Variants in CA5A observed in about 807,000 individuals in gnomAD.
CA5A encodes carbonic anhydrase 5A, mitochondrial.
Under a neutral mutation model 37.1 loss-of-function variants are expected in CA5A, and 28 were observed. The ratio of observed to expected loss-of-function variants is 0.75; its 90% CI spans 0.56 to 1.03. CA5A has a LOEUF of 1.03. Ranked by LOEUF, CA5A falls within the 50% of genes least tolerant of loss-of-function variation. The probability of loss-of-function intolerance (pLI) is 0.00; values close to 1 mark genes in which losing one functional copy is unlikely to be tolerated. For missense variants in CA5A, 444 were observed against 399.9 expected (o/e 1.11, Z -0.94); for synonymous variants, 171 against 158.4 (o/e 1.08, Z -0.60).
At chr16:87,893,055 GC>G in intron 5 of CA5A, 1 of 1,169,848 alleles carries the variant, frequency 8.5e-7, no homozygotes, top group Non-Finnish European at 1.2e-6. Flanking sequence ...TGTCACGAAG[GC>G]CATGCAGTCT....
intron 5 of CA5A, among the ~76,000 whole-genome samples, chr16:87,898,235 C>T (rs2055830281): frequency 6.6e-6 from 1 of 152,190 alleles, no homozygotes; most frequent in Admixed American, 6.5e-5. Context: ...CAACTTGTTC[C>T]TTAACTGGAG....
chr16:87,932,941 T>C (rs1241866717), intron 1 of CA5A, among the ~76,000 whole-genome samples: 28 of 152,182 alleles, frequency 1.8e-4, no homozygotes. Context: ...GAGCAGTAGC[T>C]TGGAATACAT....
At chr16:87,904,168 C>G (rs1312688370) in intron 3 of CA5A, among the ~76,000 whole-genome samples, 1 of 151,966 alleles carries the variant, frequency 6.6e-6, no homozygotes, top group Non-Finnish European at 1.5e-5. Context: ...ATGGCGAAAC[C>G]CCATCTCTAC....
chr16:87,896,984 C>T (rs1415649086), intron 5 of CA5A, among the ~76,000 whole-genome samples: 2 of 152,204 alleles, frequency 1.3e-5, no homozygotes, highest in East Asian at 1.9e-4. Context: ...ATTTTATGAG[C>T]GTCAAGCCCC....
chr16:87,887,899 C>A (rs1195204973), downstream of CA5A: 2 of 508,270 alleles, frequency 3.9e-6, no homozygotes, highest in Non-Finnish European at 6.7e-6. Context: ...AAACTAAGCA[C>A]CCTGCACTTG....
chr16:87,917,689 G>A (rs2056169150), intron 2 of CA5A, among the ~76,000 whole-genome samples: 1 of 143,536 alleles, frequency 7.0e-6, no homozygotes, highest in Admixed American at 6.9e-5. Context: ...AGTGCACAAT[G>A]CACACCCGCA....
intron 2 of CA5A, among the ~76,000 whole-genome samples, chr16:87,910,633 G>C (rs558706383): frequency 1.1e-4 from 16 of 151,992 alleles, no homozygotes; most frequent in African/African-American, 3.4e-4. Flanking sequence ...GCTGGAGCGC[G>C]GTGGGGTGCT....
downstream of CA5A, chr16:87,886,890 A>G (rs1396996574): frequency 6.6e-6 from 1 of 152,002 alleles, no homozygotes; most frequent in Non-Finnish European, 1.5e-5. Context: ...TAATTAATAT[A>G]GCTTTTTATT....
intron 2 of CA5A, among the ~76,000 whole-genome samples, chr16:87,907,511 T>C (rs1163973158): frequency 1.3e-5 from 2 of 152,200 alleles, no homozygotes; most frequent in African/African-American, 2.4e-5. Context: ...TCTTCTAGAA[T>C]AGAAATGCCT....
chr16:87,891,944 G>A lies in CA5A; in HGVS notation c.629C>T (p.Ala210Val), dbSNP rs377314096. ...GGAGGGGTCGAAGGGGCGCATGGCC[G>A]CCCGCGCGTCCTGAGAGACCGAGAA... ...LPEIKHKDAR[A>V]AMRPFDPSTL... is the part of the protein sequence containing the mutation. Residue 210 changes from alanine to valine, a missense_variant, in exon 6 of 7, where the codon GCG (alanine) becomes GTG (valine). Transcript: ENST00000649794. 2.5e-5 allele frequency: 38 copies of A among 1,541,442 alleles called. No homozygotes were observed. The highest frequency in any genetic ancestry group is 2.4e-4 in the African/African-American group (17 of 72,044).
Position 87,888,025 on chromosome 16 carries a change from C to A in CA5A, c.*104G>T. On this transcript the variant is annotated 3_prime_UTR_variant, in exon 7 of 7. Coordinates refer to ENST00000649794, the MANE Select transcript of CA5A (RefSeq NM_001739.2). ...TCGACTAAAACAATAACCTCATGCT[C>A]TCTTTTTAATTTCAGAAGTCATGTA... 4.1e-6 allele frequency: 6 copies of A among 1,476,846 alleles called. No homozygotes were observed. The highest frequency in any genetic ancestry group is 5.4e-6 in the Non-Finnish European group (6 of 1,104,264). The allele number at this position is 1,476,846 out of a possible 1,614,324, so 91.5% of individuals were successfully genotyped here.
At position 87,936,377 on chromosome 16, in the gene CA5A, C is replaced by A. The variant is rs180943069; in HGVS notation, c.74G>T (p.Ser25Ile). The change falls in exon 1 of 7, where the codon AGT becomes ATT. Residue 25 changes from serine to isoleucine, a missense_variant. Physicochemically the swap from Ser to Ile is moderately radical, Grantham distance 142. Coordinates refer to ENST00000649794, the MANE Select transcript of CA5A (RefSeq NM_001739.2). Reference protein sequence around the residue: ...LVEQMWAPLWSRSMRPGRWCS... With the variant: ...LVEQMWAPLWIRSMRPGRWCS... ...CCATCGCCCTGGCCTCATCGAACGA[C>A]TCCAGAGAGGGGCCCACATCTGCTC... The A allele has an allele frequency of 6.2e-7, 1 of 1,614,064 alleles. No homozygotes were observed. Among genetic ancestry groups the A allele is most frequent in the African/African-American group, 1.3e-5 (1 of 75,032 alleles).
chr16:87,898,490 G>T (rs556385382), intron 5 of CA5A, among the ~76,000 whole-genome samples: 10 of 152,286 alleles, frequency 6.6e-5, no homozygotes, highest in South Asian at 2.1e-4. Context: ...GAAGGTAATA[G>T]CTCTCTCTGG....
intron 1 of CA5A, among the ~76,000 whole-genome samples, chr16:87,934,771 C>T (rs1294100833): frequency 6.6e-6 from 1 of 152,088 alleles, no homozygotes; most frequent in Non-Finnish European, 1.5e-5. Flanking sequence ...ACCAGCCTGG[C>T]CAACATGGCG....
intron 2 of CA5A, among the ~76,000 whole-genome samples, chr16:87,925,876 C>G (rs987086934): frequency 1.3e-5 from 2 of 152,122 alleles, no homozygotes; most frequent in African/African-American, 2.4e-5. Flanking sequence ...ACCCCTGCTC[C>G]CCTCCAGCCG....
At chr16:87,925,810 C>A (rs1443617997) in intron 2 of CA5A, among the ~76,000 whole-genome samples, 2 of 152,026 alleles carry the variant, frequency 1.3e-5, no homozygotes, top group Non-Finnish European at 2.9e-5. Flanking sequence ...TCCCAGCCCA[C>A]CCCGTCCCTC....
intron 6 of CA5A, among the ~76,000 whole-genome samples, chr16:87,890,938 G>A (rs2055704322): frequency 6.6e-6 from 1 of 151,956 alleles, no homozygotes; most frequent in African/African-American, 2.4e-5. Flanking sequence ...GATATTACAG[G>A]CATGCACCAC....
rs556351276 is a variant in CA5A at position 87,915,104 on chromosome 16, C to T, written c.341-10200G>A. Reference sequence around the variant, plus strand: ...GCCCCAGGAGCCACCGAATGAGGCTCGATGAAACCTCGACTCGCGTTGCAG... The same window carrying T: ...GCCCCAGGAGCCACCGAATGAGGCTTGATGAAACCTCGACTCGCGTTGCAG... On this transcript the variant is annotated intron_variant, in intron 2 of 6. Transcript: ENST00000649794. Among the ~76,000 whole-genome samples, 13 of 152,324 alleles carry T rather than the reference C, an allele frequency of 8.5e-5. 1 individual carries two copies. Among genetic ancestry groups the T allele is most frequent in the Admixed American group, 4.6e-4 (7 of 15,304 alleles).
At chr16:87,926,221 T>TATAAAATAAAATAAAATAAA (rs111594497) in intron 2 of CA5A, among the ~76,000 whole-genome samples, 19 of 150,608 alleles carry the variant, frequency 1.3e-4, no homozygotes, top group South Asian at 1.1e-3. Flanking sequence ...TCTGTCTCAA[T>TATAAAATAAAATAAAATAAA]ATAAAATAAA....
Sources: gnomAD v4.1 joint callset for allele counts (sites outside exome capture counted in the v4.1 genomes callset) on GRCh38, gnomAD v4.1.1 for gene constraint, MANE v1.5 for transcripts, NCBI Gene and HGNC (gene_info 2026-07-23, HGNC 2026-07-21) for gene names.